The following PRDM1 variants were observed in gnomAD, a reference collection of about 807,000 sequenced individuals.
PRDM1 encodes PR domain zinc finger protein 1.
Under a neutral mutation model 62.8 loss-of-function variants are expected in PRDM1, and 13 were observed. That is an observed-to-expected ratio of 0.21 (90% CI 0.13 to 0.33). PRDM1 has a LOEUF of 0.33. PRDM1 is among the 10% of genes least tolerant of loss of function. The pLI, the probability that PRDM1 is intolerant of heterozygous loss-of-function variation, is 1.00. For missense variants in PRDM1, 895 were observed against 1,058.8 expected (o/e 0.85, Z 2.15); for synonymous variants, 396 against 417.6 (o/e 0.95, Z 0.63).
At chr6:106,035,981 T>A (rs1772920782) in intron 1 of PRDM1, among the ~76,000 whole-genome samples, 1 of 152,170 alleles carries the variant, frequency 6.6e-6, no homozygotes, top group Non-Finnish European at 1.5e-5. Flanking sequence ...TTTCTCAGGC[T>A]GGTCTTGAAC....
intron 1 of PRDM1, among the ~76,000 whole-genome samples, chr6:106,018,623 A>G (rs987977090): frequency 6.6e-6 from 1 of 152,154 alleles, no homozygotes; most frequent in African/African-American, 2.4e-5. Flanking sequence ...GGGCAGCTCT[A>G]TTTTAGAATG....
chr6:105,996,164 T>C (rs765580219), intron 1 of PRDM1, among the ~76,000 whole-genome samples: 11 of 152,212 alleles, frequency 7.2e-5, no homozygotes, highest in Non-Finnish European at 1.6e-4. Context: ...CTAAGTCTTA[T>C]AAAGAATATG....
chr6:106,044,463 A>T (rs1227793770), upstream of PRDM1, among the ~76,000 whole-genome samples: 1 of 152,140 alleles, frequency 6.6e-6, no homozygotes, highest in Non-Finnish European at 1.5e-5. Flanking sequence ...TGTAAAATAG[A>T]TAGTATTGAA....
intron 4 of PRDM1, among the ~76,000 whole-genome samples, chr6:106,101,256 G>C (rs962162767): frequency 6.6e-6 from 1 of 151,998 alleles, no homozygotes; most frequent in East Asian, 1.9e-4. Context: ...CAGTTCATTT[G>C]AGGTGACCTA....
chr6:106,100,985 C>T (rs543665981), intron 4 of PRDM1, among the ~76,000 whole-genome samples: 37 of 152,204 alleles, frequency 2.4e-4, no homozygotes, highest in Non-Finnish European at 3.4e-4. Context: ...GGCTGAGCCT[C>T]CCAGGAACCA....
At position 106,109,375 on chromosome 6, in the gene PRDM1, TTC is replaced by T. The variant is rs764239960; in HGVS notation, c.*1891_*1892del. ...AAAACTGACTTTACCGCTGCAATTTTTCTGTTTTCCTCCTTACTAAATACTGA... is the reference window on the plus strand; with the variant it reads ...AAAACTGACTTTACCGCTGCAATTTTTGTTTTCCTCCTTACTAAATACTGA... On this transcript the variant is annotated 3_prime_UTR_variant, in exon 7 of 7. Coordinates refer to ENST00000369096, the MANE Select transcript of PRDM1 (RefSeq NM_001198.4). 2.1e-5 allele frequency: 5 copies of T among 233,210 alleles called. No homozygotes were observed. Among genetic ancestry groups the T allele is most frequent in the African/African-American group, 8.8e-5 (4 of 45,478 alleles). The allele number at this position is 233,210 out of a possible 1,614,324, so 14.4% of individuals were successfully genotyped here.
upstream of PRDM1, among the ~76,000 whole-genome samples, chr6:106,083,226 G>T (rs573448071): frequency 3.4e-5 from 2 of 59,142 alleles, no homozygotes; most frequent in Non-Finnish European, 7.6e-5. Flanking sequence ...GGGTGAGGGT[G>T]GGTGGGTGGT....
intron 1 of PRDM1, among the ~76,000 whole-genome samples, chr6:106,058,025 T>G (rs1167861282): frequency 6.6e-6 from 1 of 152,180 alleles, no homozygotes; most frequent in African/African-American, 2.4e-5. Context: ...GGTTTACAAT[T>G]TTGAAATGCT....
At chr6:106,089,449 C>G (rs1437801827) in intron 2 of PRDM1, among the ~76,000 whole-genome samples, 1 of 152,180 alleles carries the variant, frequency 6.6e-6, no homozygotes, top group African/African-American at 2.4e-5. Flanking sequence ...TCCCCCTTCC[C>G]TAAGGAACAG....
intron 1 of PRDM1, among the ~76,000 whole-genome samples, chr6:106,052,268 G>C (rs1582440228): frequency 6.6e-6 from 1 of 152,144 alleles, no homozygotes; most frequent in African/African-American, 2.4e-5. Flanking sequence ...TTGGTCCAGG[G>C]CCTAGAAGGC....
chr6:105,998,663 G>T (rs953282910), intron 1 of PRDM1, among the ~76,000 whole-genome samples: 1 of 151,966 alleles, frequency 6.6e-6, no homozygotes. Context: ...CGGGAAGCTA[G>T]TCCACCTAAT....
In PRDM1 at chr6:106,108,570, T is replaced by C. The variant is rs1400992862; in HGVS notation, c.*1084T>C. On this transcript the variant is annotated 3_prime_UTR_variant, in exon 7 of 7. Transcript: ENST00000369096. ...TGTCAAAATTGCACAAACATGGTGC[T>C]CTACCAGGAAGGATTCGAGGTAGAT... The C allele has an allele frequency of 4.5e-6, 1 of 220,122 alleles. No individual in the cohort carries two copies. The highest frequency in any genetic ancestry group is 2.4e-5 in the African/African-American group (1 of 42,012). 13.6% of individuals were successfully genotyped at this position (220,122 alleles called of 1,614,324 possible). A position where few individuals can be genotyped will look rare whatever the true frequency, so the allele number is the denominator to read the frequency against.
At chr6:106,055,019 A>C (rs950219515) in intron 1 of PRDM1, among the ~76,000 whole-genome samples, 3 of 152,200 alleles carry the variant, frequency 2.0e-5, no homozygotes, top group African/African-American at 7.2e-5. Context: ...TTGGAACAAA[A>C]TATATTGAAA....
intron 1 of PRDM1, among the ~76,000 whole-genome samples, chr6:106,041,129 T>C (rs1163614618): frequency 1.3e-5 from 2 of 152,250 alleles, no homozygotes; most frequent in African/African-American, 4.8e-5. Flanking sequence ...GAATGTTTCT[T>C]GTGTTCAATT....
chr6:106,011,846 C>A (rs148909376), intron 1 of PRDM1, among the ~76,000 whole-genome samples: 7 of 151,786 alleles, frequency 4.6e-5, no homozygotes, highest in Non-Finnish European at 1.0e-4. Flanking sequence ...ACATGCCACA[C>A]GCAAACACAG....
At chr6:106,081,545 G>A (rs991085683), upstream of PRDM1, among the ~76,000 whole-genome samples, 2 of 152,176 alleles carry the variant, frequency 1.3e-5, no homozygotes, top group African/African-American at 4.8e-5. Context: ...TGTAGAAGGG[G>A]ATATATGGTC....
At chr6:106,043,310 T>C (rs537688279) in intron 1 of PRDM1, among the ~76,000 whole-genome samples, 1 of 152,362 alleles carries the variant, frequency 6.6e-6, no homozygotes, top group South Asian at 2.1e-4. Context: ...TTGTTTTCTC[T>C]CGCTTAATTA....
chr6:106,011,984 C>A (rs972845285), intron 1 of PRDM1, among the ~76,000 whole-genome samples: 5 of 149,880 alleles, frequency 3.3e-5, no homozygotes, highest in Admixed American at 6.6e-5. Context: ...ACATACCACA[C>A]ACACCACACT....
At chr6:106,076,113 G>A (rs1455411105) in intron 1 of PRDM1, among the ~76,000 whole-genome samples, 3 of 151,772 alleles carry the variant, frequency 2.0e-5, no homozygotes, top group Non-Finnish European at 2.9e-5. Flanking sequence ...CACTACACTT[G>A]GCTAATTTTT....
Sources: gnomAD v4.1 joint callset for allele counts (sites outside exome capture counted in the v4.1 genomes callset) on GRCh38, gnomAD v4.1.1 for gene constraint, MANE v1.5 for transcripts, NCBI Gene and HGNC (gene_info 2026-07-23, HGNC 2026-07-21) for gene names.